FMN2: variants seen among roughly 807,000 people sequenced by gnomAD.
FMN2 encodes the protein formin-2.
In FMN2, 51 loss-of-function variants were observed where a neutral mutation model predicts 142.3. The ratio of observed to expected loss-of-function variants is 0.36; its 90% CI spans 0.29 to 0.45. The LOEUF is 0.45. FMN2 is among the 20% of genes least tolerant of loss of function. The pLI, the probability that FMN2 is intolerant of heterozygous loss-of-function variation, is 1.00. For synonymous variants in FMN2, 882 were observed against 869.8 expected, an observed-to-expected ratio of 1.01 and a Z score of -0.25; for missense variants, 1,936 against 2,122.8, an observed-to-expected ratio of 0.91 and a Z score of 1.73.
chr1:240,398,813 ATGATCTC>A (rs1673877220), intron 15 of FMN2, among the ~76,000 whole-genome samples: 1 of 152,196 alleles, frequency 6.6e-6, no homozygotes, highest in South Asian at 2.1e-4. Flanking sequence ...TGAGAATTAA[ATGATCTC>A]TGGCAGATGC....
chr1:240,358,791 A>G (rs1198432390), intron 14 of FMN2, among the ~76,000 whole-genome samples: 1 of 152,226 alleles, frequency 6.6e-6, no homozygotes, highest in East Asian at 1.9e-4. Context: ...ATTACAGTTC[A>G]AGATGAGATT....
intron 8 of FMN2, among the ~76,000 whole-genome samples, chr1:240,318,968 A>G (rs1338901249): frequency 6.6e-6 from 1 of 152,230 alleles, no homozygotes; most frequent in Non-Finnish European, 1.5e-5. Flanking sequence ...ACCTGACTTG[A>G]TTTTGAAATA....
At chr1:240,272,493 G>T (rs1273602473) in intron 7 of FMN2, among the ~76,000 whole-genome samples, 1 of 152,152 alleles carries the variant, frequency 6.6e-6, no homozygotes, top group African/African-American at 2.4e-5. Context: ...CTGATTGAAA[G>T]TTCTTTGTGT....
chr1:240,415,083 G>C (rs1170828583), intron 15 of FMN2, among the ~76,000 whole-genome samples: 1 of 152,106 alleles, frequency 6.6e-6, no homozygotes, highest in East Asian at 1.9e-4. Context: ...GAAAAGAAAT[G>C]GCTGGAAAAC....
intron 6 of FMN2, among the ~76,000 whole-genome samples, chr1:240,241,825 CTTTT>C (rs71567282): frequency 6.0e-4 from 58 of 96,158 alleles, no homozygotes; most frequent in African/African-American, 2.2e-3. Flanking sequence ...GTGTGCCTTG[CTTTT>C]TTTTTTTTTT....
intron 16 of FMN2, among the ~76,000 whole-genome samples, chr1:240,463,868 T>TG (rs367722131): frequency 1.3e-5 from 2 of 151,928 alleles, no homozygotes; most frequent in African/African-American, 4.8e-5. Flanking sequence ...CCAGGCATGG[T>TG]GGGGCACGCC....
chr1:240,413,176 A>G (rs984006227), intron 15 of FMN2, among the ~76,000 whole-genome samples: 1 of 149,478 alleles, frequency 6.7e-6, no homozygotes, highest in South Asian at 2.1e-4. Context: ...ATAGAGAAGG[A>G]AAGTAGGGGT....
chr1:240,215,364 C>T (rs187005411), intron 6 of FMN2, among the ~76,000 whole-genome samples: 52 of 152,234 alleles, frequency 3.4e-4, no homozygotes, highest in African/African-American at 1.2e-3. Context: ...CACCGTTAGC[C>T]TCAGTTCATA....
intron 2 of FMN2, among the ~76,000 whole-genome samples, chr1:240,177,003 G>A (rs886652795): frequency 1.3e-5 from 2 of 152,074 alleles, no homozygotes; most frequent in Admixed American, 6.5e-5. Flanking sequence ...TTGTAGTCTC[G>A]ACCCAGTGAT....
intron 15 of FMN2, among the ~76,000 whole-genome samples, chr1:240,408,932 TGTGA>T (rs1674302836): frequency 6.6e-6 from 1 of 152,192 alleles, no homozygotes; most frequent in African/African-American, 2.4e-5. Flanking sequence ...TTTCTGTTGT[TGTGA>T]GTGTTTTCAA....
Position 240,438,151 on chromosome 1 carries a change from A to T in FMN2, c.5001A>T (p.Glu1667Asp), listed in dbSNP as rs1434064021. 6.2e-7 allele frequency: 1 copy of T among 1,614,162 alleles called. No individual in the cohort carries two copies. The highest frequency in any genetic ancestry group is 8.5e-7 in the Non-Finnish European group (1 of 1,180,018). The change falls in exon 16 of 18, where the codon GAA becomes GAT. Residue 1667 changes from glutamate (E) to aspartate (D), a missense_variant. Physicochemically the swap from Glu to Asp is conservative, Grantham distance 45. Transcript: ENST00000319653. Reference protein sequence around the residue: ...SPNAFFSIWHEFSSDFKDFWK... With the variant: ...SPNAFFSIWHDFSSDFKDFWK... ...ATGCTTTCTTCAGTATCTGGCATGA[A>T]TTCAGCTCTGACTTTAAAGACTTCT... is the stretch of plus-strand genomic sequence containing the variant.
At chr1:240,288,756 A>G (rs1354541895) in intron 7 of FMN2, among the ~76,000 whole-genome samples, 2 of 152,066 alleles carry the variant, frequency 1.3e-5, no homozygotes, top group East Asian at 1.9e-4. Flanking sequence ...AGGGAAGCCA[A>G]CTACCTTGAG....
intron 15 of FMN2, among the ~76,000 whole-genome samples, chr1:240,428,743 GTA>G (rs1675041233): frequency 6.6e-6 from 1 of 152,124 alleles, no homozygotes; most frequent in African/African-American, 2.4e-5. Flanking sequence ...ACCAGCTTTT[GTA>G]GTGAGAACAC....
chr1:240,469,651 G>C (rs141297016), intron 16 of FMN2, among the ~76,000 whole-genome samples: 43 of 152,268 alleles, frequency 2.8e-4, no homozygotes, highest in African/African-American at 9.9e-4. Context: ...ATTAAGATGT[G>C]CCTGTTAAAC....
At chr1:240,225,959 A>T (rs933128087) in intron 6 of FMN2, among the ~76,000 whole-genome samples, 3 of 152,314 alleles carry the variant, frequency 2.0e-5, no homozygotes, top group Admixed American at 1.3e-4. Context: ...AGAAGAAAAT[A>T]ATCAGCAGAC....
intron 15 of FMN2, among the ~76,000 whole-genome samples, chr1:240,397,831 G>A (rs1032970119): frequency 3.6e-5 from 5 of 137,918 alleles, no homozygotes; most frequent in African/African-American, 5.3e-5. Context: ...CCTAAAAACT[G>A]CTTTCACAAT....
intron 10 of FMN2, 124 bp downstream of exon 10, chr1:240,329,592 C>A: frequency 7.9e-7 from 1 of 1,270,272 alleles, no homozygotes. Flanking sequence ...GGATCGCAGT[C>A]CCACAGAAGG....
At chr1:240,212,452 AG>A (rs952093700) in intron 6 of FMN2, among the ~76,000 whole-genome samples, 5 of 152,316 alleles carry the variant, frequency 3.3e-5, no homozygotes, top group South Asian at 2.1e-4. Flanking sequence ...TGGTGACCTC[AG>A]GTCAGTAACA....
At chr1:240,189,941 A>C (rs186820299) in intron 4 of FMN2, among the ~76,000 whole-genome samples, 1 of 152,344 alleles carries the variant, frequency 6.6e-6, no homozygotes, top group African/African-American at 2.4e-5. Context: ...AAGTTTTTCT[A>C]AATTCTTATG....
Sources: gnomAD v4.1 joint callset for allele counts (sites outside exome capture counted in the v4.1 genomes callset) on GRCh38, gnomAD v4.1.1 for gene constraint, MANE v1.5 for transcripts, NCBI Gene and HGNC (gene_info 2026-07-23, HGNC 2026-07-21) for gene names.